The following SEL1L variants were observed in gnomAD, a reference collection of about 807,000 sequenced individuals.
The protein encoded by SEL1L is protein sel-1 homolog 1.
In SEL1L, 52 loss-of-function variants were observed where a neutral mutation model predicts 109.8. The observed-to-expected ratio is 0.47, with a 90% CI of 0.38 to 0.60. SEL1L has a LOEUF of 0.60. Among genes scored for constraint, SEL1L ranks in the 20% least tolerant of loss-of-function variants. SEL1L has a pLI of 0.00. For missense variants in SEL1L, 749 were observed against 962.2 expected (o/e 0.78, Z 2.93); for synonymous variants, 373 against 339.6 (o/e 1.10, Z -1.08).
intron 3 of SEL1L, among the ~76,000 whole-genome samples, chr14:81,511,191 A>T (rs1386609824): frequency 6.6e-6 from 1 of 152,256 alleles, no homozygotes. Context: ...ACCACTTTAC[A>T]GATTAAAATG....
chr14:81,497,198 T>C (rs1883797832), intron 10 of SEL1L, among the ~76,000 whole-genome samples: 1 of 152,154 alleles, frequency 6.6e-6, no homozygotes, highest in East Asian at 1.9e-4. Flanking sequence ...TTCACTACGT[T>C]TTTTTTTCCT....
At chr14:81,501,319 G>C (rs775012120) in intron 6 of SEL1L, among the ~76,000 whole-genome samples, 2 of 152,060 alleles carry the variant, frequency 1.3e-5, no homozygotes, top group Admixed American at 1.3e-4. Flanking sequence ...TCATGGAGAG[G>C]GTGCTTTGCA....
intron 3 of SEL1L, among the ~76,000 whole-genome samples, chr14:81,514,467 T>C (rs543121071): frequency 9.2e-5 from 14 of 152,182 alleles, no homozygotes; most frequent in Non-Finnish European, 1.8e-4. Flanking sequence ...GAATGCGTTG[T>C]TAAGGGTCAC....
At chr14:81,477,777 C>A (rs1903214832) in intron 20 of SEL1L, among the ~76,000 whole-genome samples, 1 of 152,162 alleles carries the variant, frequency 6.6e-6, no homozygotes, top group Admixed American at 6.5e-5. Flanking sequence ...TGTGCCACTG[C>A]ACTCCAGCCT....
In SEL1L at chr14:81,505,983, A is replaced by T. The variant is rs1319757557; in HGVS notation, c.508+91T>A. On this transcript the variant is annotated intron_variant, in intron 4 of 20. Transcript: ENST00000336735. ...CAGCAATGCTGGCCATTTCTGACCA[A>T]TGTGGAAAAAGGATGGCTAGAAAAA... The T allele has an allele frequency of 2.3e-6, 3 of 1,289,106 alleles. No individual in the cohort carries two copies. The African/African-American group carries it at 4.5e-5, about 19-fold the overall frequency. 79.9% of individuals were successfully genotyped at this position (1,289,106 alleles called of 1,614,324 possible). A position where few individuals can be genotyped will look rare whatever the true frequency, so the allele number is the denominator to read the frequency against.
rs1903453494 is a variant in SEL1L at position 81,484,339 on chromosome 14, A to G, written c.1932T>C (p.Asp644=). Residue 644 remains aspartate, a synonymous_variant, in exon 19 of 21, where the codon GAT becomes GAC. Coordinates refer to ENST00000336735, the MANE Select transcript of SEL1L (RefSeq NM_005065.6). ...GDYHFYGFGT[D]VDYETAFIHY... Reference sequence around the variant, plus strand: ...GAATAAATGCAGTTTCATAATCTACATCGGTGCCAAACCCATAGAAATGGT... The same window carrying G: ...GAATAAATGCAGTTTCATAATCTACGTCGGTGCCAAACCCATAGAAATGGT... The G allele has an allele frequency of 6.2e-7, 1 of 1,614,004 alleles. No individual in the cohort carries two copies. Among genetic ancestry groups the G allele is most frequent in the Admixed American group, 1.7e-5 (1 of 59,996 alleles).
intron 4 of SEL1L, 76 bp downstream of exon 4, chr14:81,505,998 G>T: frequency 7.2e-7 from 1 of 1,386,176 alleles, no homozygotes; most frequent in Non-Finnish European, 9.8e-7. Context: ...GAAAAAGGAT[G>T]GCTAGAAAAA....
intron 3 of SEL1L, among the ~76,000 whole-genome samples, chr14:81,517,840 G>A (rs1384026674): frequency 6.6e-6 from 1 of 152,132 alleles, no homozygotes; most frequent in African/African-American, 2.4e-5. Flanking sequence ...TGAGAGGACT[G>A]GAATTTGAAC....
At position 81,518,531 on chromosome 14, in the gene SEL1L, G is replaced by T. The variant is rs189507045; in HGVS notation, c.340+8202C>A. Among the ~76,000 whole-genome samples the T allele has an allele frequency of 4.4e-3, 666 of 151,572 alleles. 4 individuals are homozygous for T. The highest frequency in any genetic ancestry group is 0.015 in the African/African-American group (625 of 41,348). ...AAAAATTAGCTGGGTGTGGTGGCAG[G>T]TGCCTGTAATCCCAGCTGCTTGGGA... On this transcript the variant is annotated intron_variant, in intron 3 of 20. Coordinates refer to ENST00000336735, the MANE Select transcript of SEL1L (RefSeq NM_005065.6).
At chr14:81,502,615 T>C (rs533973148) in intron 6 of SEL1L, 106 bp downstream of exon 6, 1 of 1,115,608 alleles carries the variant, frequency 9.0e-7, no homozygotes, top group South Asian at 1.7e-5. Context: ...TTGGTATTTA[T>C]CTTCCAGTCT....
At chr14:81,516,935 A>C (rs1884724146) in intron 3 of SEL1L, among the ~76,000 whole-genome samples, 1 of 152,218 alleles carries the variant, frequency 6.6e-6, no homozygotes, top group African/African-American at 2.4e-5. Context: ...TGCTGTAATA[A>C]ATCATAGCTG....
At chr14:81,486,898 A>G (rs2236179) in intron 16 of SEL1L, among the ~76,000 whole-genome samples, 59,182 of 151,910 alleles carry the variant, frequency 0.39, 13,362 homozygotes, top group East Asian at 0.55. Flanking sequence ...GAGAGAGCTA[A>G]GAGACAATTT....
At chr14:81,527,606 T>G in intron 2 of SEL1L, 95 bp downstream of exon 2, 1 of 799,872 alleles carries the variant, frequency 1.3e-6, no homozygotes, top group East Asian at 2.8e-5. Context: ...CAACTGTTAC[T>G]CAAAAGTTGC....
Position 81,533,709 on chromosome 14 carries a change from A to G in SEL1L, c.36T>C (p.Cys12=), listed in dbSNP as rs1472883393. The change falls in exon 1 of 21, where the codon TGT becomes TGC. Residue 12 remains cysteine, a synonymous_variant. Transcript: ENST00000336735. ...CCGAGGCCAAGCTCAGCAGCACCGC[A>G]CACAGCAGCAGCGTCAGCCCTATCC... ...RVRIGLTLLL[C]AVLLSLASAS... 1.2e-6 allele frequency: 2 copies of G among 1,613,512 alleles called. No homozygotes were observed. Among genetic ancestry groups the G allele is most frequent in the Non-Finnish European group, 1.7e-6 (2 of 1,179,882 alleles).
intron 13 of SEL1L, among the ~76,000 whole-genome samples, chr14:81,489,763 A>G (rs1595507812): frequency 3.3e-5 from 5 of 152,312 alleles, no homozygotes; most frequent in Admixed American, 3.3e-4. Context: ...GGTGACAAAG[A>G]TATACTTAGG....
At chr14:81,530,924 A>G (rs559885567) in intron 1 of SEL1L, among the ~76,000 whole-genome samples, 1 of 152,332 alleles carries the variant, frequency 6.6e-6, no homozygotes, top group South Asian at 2.1e-4. Context: ...AACAGTAAGT[A>G]TTTGTGTACA....
At chr14:81,490,027 A>C (rs1566972617) in intron 13 of SEL1L, among the ~76,000 whole-genome samples, 1 of 152,198 alleles carries the variant, frequency 6.6e-6, no homozygotes. Context: ...AAGAAAGCCT[A>C]AATTATGTAC....
Position 81,503,654 on chromosome 14 carries a change from T to TA in SEL1L, c.614+546dup, listed in dbSNP as rs1438100601. Among the ~76,000 whole-genome samples the TA allele has an allele frequency of 2.0e-5, 3 of 152,146 alleles. No individual in the cohort carries two copies. In the East Asian group the frequency reaches 5.8e-4, roughly 29 times the overall value. On this transcript the variant is annotated intron_variant, in intron 5 of 20. Transcript: ENST00000336735. Reference sequence around the variant, plus strand: ...TAACAGTAATTTTAAAAACTTCTATTAAAAAAAGTTAACCGATTTGCAATA... The same window carrying TA: ...TAACAGTAATTTTAAAAACTTCTATTAAAAAAAAGTTAACCGATTTGCAATA...
At chr14:81,517,578 T>C (rs1431097196) in intron 3 of SEL1L, among the ~76,000 whole-genome samples, 1 of 152,144 alleles carries the variant, frequency 6.6e-6, no homozygotes, top group Admixed American at 6.6e-5. Flanking sequence ...CTGGCAGCTG[T>C]AATGTTAACA....
Sources: allele counts gnomAD v4.1 joint callset (sites outside exome capture counted in the v4.1 genomes callset), GRCh38; gene constraint gnomAD v4.1.1; transcripts MANE v1.5; gene names NCBI Gene and HGNC (gene_info 2026-07-23, HGNC 2026-07-21).